Variants in CDKAL1 observed in about 807,000 individuals in gnomAD.
CDKAL1 encodes the protein threonylcarbamoyladenosine tRNA methylthiotransferase.
Under a neutral mutation model 68.2 loss-of-function variants are expected in CDKAL1, and 32 were observed. The ratio of observed to expected loss-of-function variants is 0.47; its 90% confidence interval spans 0.35 to 0.63. The LOEUF is 0.63. Among genes scored for constraint, CDKAL1 ranks in the 30% least tolerant of loss-of-function variants. The probability of loss-of-function intolerance (pLI) is 0.00; values close to 1 mark genes in which losing one functional copy is unlikely to be tolerated. For missense variants in CDKAL1, 606 were observed against 696.7 expected, an observed-to-expected ratio of 0.87 and a Z score of 1.47; for synonymous variants, 234 against 244.3, an observed-to-expected ratio of 0.96 and a Z score of 0.39.
At chr6:20,776,450 G>A (rs1775173711) in intron 7 of CDKAL1, among the ~76,000 whole-genome samples, 1 of 152,176 alleles carries the variant, frequency 6.6e-6, no homozygotes, top group Non-Finnish European at 1.5e-5. Context: ...AAAGTGAGTA[G>A]TGCAAAGAGG....
At chr6:21,095,585 C>A (rs752173792) in intron 12 of CDKAL1, among the ~76,000 whole-genome samples, 10 of 151,154 alleles carry the variant, frequency 6.6e-5, no homozygotes, top group Non-Finnish European at 1.3e-4. Context: ...CCCCTCCTAC[C>A]CCTACACACA....
intron 5 of CDKAL1, among the ~76,000 whole-genome samples, chr6:20,669,889 T>C (rs745952782): frequency 6.6e-6 from 1 of 152,112 alleles, no homozygotes; most frequent in Non-Finnish European, 1.5e-5. Flanking sequence ...GCACTCTTAG[T>C]AGACTTAAAT....
intron 5 of CDKAL1, among the ~76,000 whole-genome samples, chr6:20,706,072 C>T (rs900429252): frequency 1.1e-4 from 17 of 152,128 alleles, no homozygotes; most frequent in Non-Finnish European, 2.1e-4. Flanking sequence ...TCCTTGACCA[C>T]GCATTTGGTC....
At chr6:20,874,378 A>G (rs1402414274) in intron 9 of CDKAL1, among the ~76,000 whole-genome samples, 1 of 151,526 alleles carries the variant, frequency 6.6e-6, no homozygotes, top group East Asian at 1.9e-4. Flanking sequence ...ATCTCAGCCC[A>G]TTGCAACTTC....
chr6:20,644,185 C>G (rs2127754420), intron 4 of CDKAL1, among the ~76,000 whole-genome samples: 1 of 149,954 alleles, frequency 6.7e-6, no homozygotes, highest in Middle Eastern at 3.4e-3. Context: ...CAGATAGGCT[C>G]TTTAAGACTG....
chr6:20,834,967 A>G (rs1396114582), intron 8 of CDKAL1, among the ~76,000 whole-genome samples: 4 of 152,208 alleles, frequency 2.6e-5, no homozygotes, highest in Admixed American at 6.5e-5. Flanking sequence ...GTGCTAAGCA[A>G]TGTGCTATTG....
chr6:20,863,298 C>CATA (rs1254884501), intron 9 of CDKAL1, among the ~76,000 whole-genome samples: 1 of 152,142 alleles, frequency 6.6e-6, no homozygotes, highest in African/African-American at 2.4e-5. Flanking sequence ...TTCTGCACCA[C>CATA]ATAATTGGTT....
chr6:20,700,946 A>T (rs1302194424), intron 5 of CDKAL1, among the ~76,000 whole-genome samples: 2 of 147,746 alleles, frequency 1.4e-5, no homozygotes, highest in Non-Finnish European at 3.0e-5. Context: ...AAAACATTTT[A>T]ATTTTTAGAC....
chr6:20,586,620 G>T (rs188816761), intron 4 of CDKAL1, among the ~76,000 whole-genome samples: 1 of 152,014 alleles, frequency 6.6e-6, no homozygotes, highest in Non-Finnish European at 1.5e-5. Flanking sequence ...CCTGGGTGAC[G>T]AGTGAAACTC....
intron 13 of CDKAL1, 59 bp from the exon 14 acceptor site, chr6:21,197,962 T>C (rs1380740798): frequency 9.4e-7 from 1 of 1,059,814 alleles, no homozygotes; most frequent in Non-Finnish European, 1.4e-6. Flanking sequence ...ATTTTTATTT[T>C]TGGATTCACA....
In CDKAL1 at chr6:21,160,407, T is replaced by C. The variant is rs558057926; in HGVS notation, c.1300-37614T>C. ...CTGCCTCCCGGGTTCAAGTGATTCTTCTGCTTCAGCCTCCTGAGTAGCTGG... is the reference window on the plus strand; with the variant it reads ...CTGCCTCCCGGGTTCAAGTGATTCTCCTGCTTCAGCCTCCTGAGTAGCTGG... On this transcript the variant is annotated intron_variant, in intron 13 of 15. Transcript: ENST00000274695. Among the ~76,000 whole-genome samples the C allele has an allele frequency of 3.6e-3, 550 of 151,698 alleles. 2 individuals carry two copies. Among genetic ancestry groups the C allele is most frequent in the Non-Finnish European group, 5.8e-3 (393 of 67,856 alleles).
At chr6:21,156,067 C>T (rs966807327) in intron 13 of CDKAL1, among the ~76,000 whole-genome samples, 8 of 151,976 alleles carry the variant, frequency 5.3e-5, no homozygotes, top group East Asian at 3.9e-4. Flanking sequence ...AAATGTATTA[C>T]GAGATAACAT....
chr6:20,673,764 A>G (rs1406291141), intron 5 of CDKAL1, among the ~76,000 whole-genome samples: 1 of 152,214 alleles, frequency 6.6e-6, no homozygotes, highest in East Asian at 1.9e-4. Context: ...TCCTGCCGTC[A>G]TCCATTTAAG....
intron 11 of CDKAL1, among the ~76,000 whole-genome samples, chr6:21,015,102 A>G (rs1449396271): frequency 6.6e-6 from 1 of 152,214 alleles, no homozygotes; most frequent in Non-Finnish European, 1.5e-5. Flanking sequence ...TGTCTAGTAC[A>G]GGTGTCCAGT....
intron 13 of CDKAL1, among the ~76,000 whole-genome samples, chr6:21,111,165 G>T (rs1406723046): frequency 6.6e-6 from 1 of 152,128 alleles, no homozygotes; most frequent in Non-Finnish European, 1.5e-5. Flanking sequence ...ACTATGGTCT[G>T]CTCCTGGGAG....
chr6:20,755,648 A>G (rs984016066), intron 6 of CDKAL1, among the ~76,000 whole-genome samples: 6 of 152,306 alleles, frequency 3.9e-5, no homozygotes, highest in African/African-American at 1.4e-4. Context: ...TATAATTTAG[A>G]TGCTCAATAA....
At chr6:21,083,907 AATG>A (rs555544757) in intron 12 of CDKAL1, among the ~76,000 whole-genome samples, 1 of 152,308 alleles carries the variant, frequency 6.6e-6, no homozygotes, top group South Asian at 2.1e-4. Flanking sequence ...GCTAAATAAA[AATG>A]ATGTCATATC....
chr6:20,665,344 A>T (rs1202778203), intron 5 of CDKAL1, among the ~76,000 whole-genome samples: 1 of 152,266 alleles, frequency 6.6e-6, no homozygotes, highest in South Asian at 2.1e-4. Flanking sequence ...AAAAGAAAAA[A>T]TTGTTAATGC....
At chr6:21,074,706 A>G (rs1397492319) in intron 12 of CDKAL1, among the ~76,000 whole-genome samples, 1 of 152,176 alleles carries the variant, frequency 6.6e-6, no homozygotes, top group African/African-American at 2.4e-5. Flanking sequence ...TACCAGTCTT[A>G]GGTAGTTTAT....
Sources: gnomAD v4.1 joint callset for allele counts (sites outside exome capture counted in the v4.1 genomes callset) on GRCh38, gnomAD v4.1.1 for gene constraint, MANE v1.5 for transcripts, NCBI Gene and HGNC (gene_info 2026-07-23, HGNC 2026-07-21) for gene names.